Variants in CNPY1 observed in about 807,000 individuals in gnomAD.
The protein encoded by CNPY1 is protein canopy homolog 1.
Under a neutral mutation model 14.4 loss-of-function variants are expected in CNPY1, and 14 were observed. The observed-to-expected ratio is 0.97, with a 90% confidence interval of 0.64 to 1.52. The LOEUF is 1.52. Among genes scored for constraint, CNPY1 ranks in the 40% most tolerant of loss-of-function variants. The pLI, the probability that CNPY1 is intolerant of heterozygous loss-of-function variation, is 0.00. For synonymous variants in CNPY1, 43 were observed against 46.5 expected, an observed-to-expected ratio of 0.92 and a Z score of 0.31; for missense variants, 129 against 131.5, an observed-to-expected ratio of 0.98 and a Z score of 0.09.
chr7:155,541,125 C>T (rs1797079295), intron 2 of CNPY1, among the ~76,000 whole-genome samples: 1 of 152,164 alleles, frequency 6.6e-6, no homozygotes. Context: ...CCCACCTGTC[C>T]CCAACAGCCC....
In CNPY1 at chr7:155,513,371, G is replaced by A. The variant is rs763333546; in HGVS notation, c.100-4274C>T. On this transcript the variant is annotated intron_variant, in intron 2 of 4. Coordinates refer to ENST00000636446, the MANE Select transcript of CNPY1 (RefSeq NM_001393663.1). ...ATTAATAGGAGTGCTTCCAGCCACC[G>A]TAAACTCCATATTTAAACACGTGAA... Among the ~76,000 whole-genome samples the A allele has an allele frequency of 1.6e-4, 24 of 152,268 alleles. 1 individual carries two copies. The highest frequency in any genetic ancestry group is 7.9e-4 in the Admixed American group (12 of 15,282).
At chr7:155,517,265 G>T (rs1012728823) in intron 2 of CNPY1, among the ~76,000 whole-genome samples, 2 of 152,072 alleles carry the variant, frequency 1.3e-5, no homozygotes, top group Admixed American at 1.3e-4. Context: ...GACACGCACA[G>T]AGGGACGGCC....
intron 2 of CNPY1, among the ~76,000 whole-genome samples, chr7:155,514,991 G>A (rs1415669672): frequency 1.3e-5 from 2 of 152,192 alleles, no homozygotes; most frequent in Non-Finnish European, 2.9e-5. Context: ...AGGAAATTCT[G>A]CGTGCTTCAT....
chr7:155,519,226 G>A (rs909100757), intron 2 of CNPY1, among the ~76,000 whole-genome samples: 1 of 152,134 alleles, frequency 6.6e-6, no homozygotes, highest in African/African-American at 2.4e-5. Context: ...TTGCCAGACT[G>A]GAAAGAATGG....
At chr7:155,543,178 C>T (rs967083637) in intron 2 of CNPY1, among the ~76,000 whole-genome samples, 2 of 152,176 alleles carry the variant, frequency 1.3e-5, no homozygotes, top group Non-Finnish European at 2.9e-5. Flanking sequence ...GGCAAGGGGT[C>T]CTGCCGCTCT....
intron 2 of CNPY1, among the ~76,000 whole-genome samples, chr7:155,530,593 G>A (rs980092265): frequency 6.6e-6 from 1 of 152,184 alleles, no homozygotes; most frequent in African/African-American, 2.4e-5. Context: ...GCCTCCCAAA[G>A]TGCTGGGATT....
At position 155,546,556 on chromosome 7, in the gene CNPY1, C is replaced by T. The variant is rs1474379405; in HGVS notation, c.-142G>A. ...TTGCTCTGTCACCCAGGCTGGAGTGCAGTGGTGCAATCTCAGCTCACTGCA... is the reference window on the plus strand; with the variant it reads ...TTGCTCTGTCACCCAGGCTGGAGTGTAGTGGTGCAATCTCAGCTCACTGCA... On this transcript the variant is annotated 5_prime_UTR_variant, in exon 1 of 5. Transcript: ENST00000636446. 7.7e-6 allele frequency: 3 copies of T among 388,224 alleles called. No homozygotes were observed. Among genetic ancestry groups the T allele is most frequent in the Non-Finnish European group, 1.4e-5 (3 of 219,442 alleles). The allele number at this position is 388,224 out of a possible 1,614,324, so 24.0% of individuals were successfully genotyped here.
Position 155,502,964 on chromosome 7 carries a change from GAC to G in CNPY1, c.*102_*103del. The G allele has an allele frequency of 9.7e-7, 1 of 1,028,554 alleles. No homozygotes were observed. The highest frequency in any genetic ancestry group is 1.5e-6 in the Non-Finnish European group (1 of 688,160). The allele number at this position is 1,028,554 out of a possible 1,614,324, so 63.7% of individuals were successfully genotyped here. ...GGAGACAAACACGGTATAAACAAGA[GAC>G]AAAATTTTTCTTATCATGAAAGACA... On this transcript the variant is annotated 3_prime_UTR_variant, in exon 5 of 5. Coordinates refer to ENST00000636446, the MANE Select transcript of CNPY1 (RefSeq NM_001393663.1).
intron 2 of CNPY1, among the ~76,000 whole-genome samples, chr7:155,535,298 G>A (rs532321582): frequency 1.6e-4 from 24 of 152,178 alleles, no homozygotes; most frequent in Admixed American, 2.6e-4. Flanking sequence ...CCTCCAGGAA[G>A]GTGAGCTGTG....
At chr7:155,527,060 T>TCTTTCTTTCTTTCTTTC (rs57894007) in intron 2 of CNPY1, among the ~76,000 whole-genome samples, 37 of 140,084 alleles carry the variant, frequency 2.6e-4, no homozygotes, top group Admixed American at 5.1e-4. Flanking sequence ...CTTTCTTTTT[T>TCTTTCTTTCTTTCTTTC]TTTTTTTTTT....
chr7:155,504,029 C>G (rs1796210387), intron 4 of CNPY1, among the ~76,000 whole-genome samples: 2 of 152,138 alleles, frequency 1.3e-5, no homozygotes, highest in South Asian at 4.1e-4. Flanking sequence ...GAAGTCTGAA[C>G]TATATGCCCC....
intron 2 of CNPY1, among the ~76,000 whole-genome samples, chr7:155,543,599 G>A (rs1023838982): frequency 2.0e-5 from 3 of 152,222 alleles, no homozygotes; most frequent in Admixed American, 6.5e-5. Flanking sequence ...GAGAGTGCTG[G>A]GACGTGAGGG....
At chr7:155,523,328 C>T (rs527505990) in intron 2 of CNPY1, among the ~76,000 whole-genome samples, 1 of 152,368 alleles carries the variant, frequency 6.6e-6, no homozygotes. Context: ...GGATACATGA[C>T]ATTCAGCCAT....
intron 4 of CNPY1, among the ~76,000 whole-genome samples, chr7:155,503,415 T>C (rs1796187240): frequency 1.3e-5 from 2 of 152,078 alleles, no homozygotes; most frequent in African/African-American, 4.8e-5. Flanking sequence ...ATGGCTCCAC[T>C]CAGAGATATT....
intron 2 of CNPY1, among the ~76,000 whole-genome samples, chr7:155,509,524 CAGAGAGAGGGAG>C (rs972609868): frequency 5.9e-5 from 9 of 151,466 alleles, no homozygotes; most frequent in African/African-American, 2.2e-4. Flanking sequence ...GAGGGAGAGA[CAGAGAGAGGGAG>C]GGAGAGAGAG....
At chr7:155,507,249 C>A in intron 3 of CNPY1, 133 bp from the exon 4 acceptor site, 1 of 652,430 alleles carries the variant, frequency 1.5e-6, no homozygotes, top group Non-Finnish European at 2.8e-6. Flanking sequence ...TTTATTCGCC[C>A]TTTTGGTTTA....
At chr7:155,528,850 G>A (rs564536765) in intron 2 of CNPY1, among the ~76,000 whole-genome samples, 1 of 152,284 alleles carries the variant, frequency 6.6e-6, no homozygotes, top group Admixed American at 6.5e-5. Context: ...CACGAGGTCA[G>A]GAGATCAAGA....
At chr7:155,504,118 C>T (rs1387031668) in intron 4 of CNPY1, among the ~76,000 whole-genome samples, 3 of 152,140 alleles carry the variant, frequency 2.0e-5, no homozygotes, top group Non-Finnish European at 2.9e-5. Context: ...TGAGGAATAA[C>T]CCCCTGTTAC....
intron 2 of CNPY1, among the ~76,000 whole-genome samples, chr7:155,531,634 G>A (rs1039571948): frequency 1.3e-5 from 2 of 152,122 alleles, no homozygotes; most frequent in Admixed American, 6.5e-5. Context: ...CGTTCAGAGA[G>A]GGGATAATTC....
Sources: gnomAD v4.1 joint callset for allele counts (sites outside exome capture counted in the v4.1 genomes callset) on GRCh38, gnomAD v4.1.1 for gene constraint, MANE v1.5 for transcripts, NCBI Gene and HGNC (gene_info 2026-07-23, HGNC 2026-07-21) for gene names.